Variants in FRMD6 observed in about 807,000 individuals in gnomAD.
FRMD6 encodes the protein FERM domain-containing protein 6.
Under a neutral mutation model 73.2 loss-of-function variants are expected in FRMD6, and 37 were observed. The observed-to-expected ratio is 0.51, with a 90% CI of 0.39 to 0.66. The LOEUF is 0.66. Among genes scored for constraint, FRMD6 ranks in the 30% least tolerant of loss-of-function variants. FRMD6 has a pLI of 0.00. For missense variants in FRMD6, 714 were observed against 780.5 expected, an observed-to-expected ratio of 0.91 and a Z score of 1.02; for synonymous variants, 273 against 282.2, an observed-to-expected ratio of 0.97 and a Z score of 0.33.
intron 9 of FRMD6, chr14:51,713,565 A>C (rs1193290558): frequency 6.6e-6 from 1 of 152,176 alleles, no homozygotes; most frequent in Admixed American, 6.5e-5. Flanking sequence ...TCTCTCCTGT[A>C]AGAAAGATGG....
the FRMD6 span, among the ~76,000 whole-genome samples, chr14:51,473,535 C>T: frequency 2.0e-5 from 3 of 152,166 alleles, no homozygotes; most frequent in Non-Finnish European, 4.4e-5. Flanking sequence ...TACACACCCT[C>T]CATTGAGGAA....
the FRMD6 span, among the ~76,000 whole-genome samples, chr14:51,464,435 A>C: frequency 6.6e-6 from 1 of 152,200 alleles, no homozygotes; most frequent in Admixed American, 6.5e-5. Context: ...AATTTCTGGA[A>C]GACAAAAAAC....
intron 1 of FRMD6, among the ~76,000 whole-genome samples, chr14:51,652,481 G>C (rs573953904): frequency 1.3e-5 from 2 of 152,326 alleles, no homozygotes; most frequent in Non-Finnish European, 2.9e-5. Context: ...TGGGCGCCGG[G>C]ACTAGCACCC....
At chr14:51,562,042 G>A (rs2139515818) in intron 1 of FRMD6, among the ~76,000 whole-genome samples, 1 of 152,210 alleles carries the variant, frequency 6.6e-6, no homozygotes, top group African/African-American at 2.4e-5. Flanking sequence ...TCCCACCGTG[G>A]CTTTTTTATC....
the FRMD6 span, among the ~76,000 whole-genome samples, chr14:51,462,167 A>T: frequency 6.6e-6 from 1 of 152,196 alleles, no homozygotes; most frequent in Admixed American, 6.5e-5. Flanking sequence ...GAGATGTTGG[A>T]GAAGAGTGTG....
At chr14:51,627,129 C>T (rs958428769) in intron 2 of FRMD6, among the ~76,000 whole-genome samples, 5 of 152,096 alleles carry the variant, frequency 3.3e-5, no homozygotes, top group Non-Finnish European at 2.9e-5. Flanking sequence ...TTATATTTAT[C>T]TGCATGAGAT....
chr14:51,682,318 C>T (rs945198431), intron 1 of FRMD6, among the ~76,000 whole-genome samples: 1 of 151,360 alleles, frequency 6.6e-6, no homozygotes, highest in Non-Finnish European at 1.5e-5. Flanking sequence ...TGACTATTCT[C>T]CTTTTTTTGG....
chr14:51,563,925 G>A (rs941599893), intron 1 of FRMD6, among the ~76,000 whole-genome samples: 4 of 152,142 alleles, frequency 2.6e-5, no homozygotes, highest in African/African-American at 4.8e-5. Flanking sequence ...ATAACTTTGC[G>A]ATCGCAAGTC....
intron 1 of FRMD6, among the ~76,000 whole-genome samples, chr14:51,660,828 A>C (rs1893171196): frequency 6.6e-6 from 1 of 152,096 alleles, no homozygotes; most frequent in Non-Finnish European, 1.5e-5. Flanking sequence ...CTCACTGAGA[A>C]GAGGGCTTGA....
chr14:51,508,747 C>T (rs1473266193), intron 1 of FRMD6, among the ~76,000 whole-genome samples: 1 of 152,194 alleles, frequency 6.6e-6, no homozygotes, highest in African/African-American at 2.4e-5. Context: ...TCTTAAAAAG[C>T]AAACTATAAT....
intron 9 of FRMD6, among the ~76,000 whole-genome samples, chr14:51,713,417 C>T (rs186368918): frequency 6.7e-6 from 1 of 149,622 alleles, no homozygotes; most frequent in African/African-American, 2.5e-5. Flanking sequence ...AAGACCGCAC[C>T]ATTGCACTCC....
chr14:51,580,083 ATTG>A (rs1378406262), intron 2 of FRMD6, among the ~76,000 whole-genome samples: 1 of 152,052 alleles, frequency 6.6e-6, no homozygotes, highest in Non-Finnish European at 1.5e-5. Flanking sequence ...ATTTTGTAGC[ATTG>A]TTGTTAGAAG....
chr14:51,702,839 C>T lies in FRMD6; in HGVS notation c.371+251C>T, dbSNP rs190744653. The stretch of plus-strand genomic sequence containing the variant: ...GTTAGACTGTTGATAAAAATATTAA[C>T]AGTATCTATTGGCCCACATTTTCTC... On this transcript the variant is annotated intron_variant, in intron 5 of 13. Coordinates refer to ENST00000344768, the MANE Select transcript of FRMD6 (RefSeq NM_001267046.2). 3.9e-4 allele frequency among the ~76,000 whole-genome samples: 59 copies of T among 152,030 alleles called. 1 individual carries two copies. The highest frequency in any genetic ancestry group is 6.8e-4 in the Non-Finnish European group (46 of 67,924).
intron 1 of FRMD6, among the ~76,000 whole-genome samples, chr14:51,655,433 A>G (rs995214953): frequency 6.6e-6 from 1 of 152,074 alleles, no homozygotes; most frequent in Non-Finnish European, 1.5e-5. Flanking sequence ...GTTATAATGT[A>G]TGTTCCCCAA....
chr14:51,511,675 T>C (rs1356206293), intron 1 of FRMD6, among the ~76,000 whole-genome samples: 1 of 152,038 alleles, frequency 6.6e-6, no homozygotes, highest in African/African-American at 2.4e-5. Flanking sequence ...GGGAGTTGAA[T>C]AATGAGAACA....
At chr14:51,595,773 A>C (rs1889678833) in intron 2 of FRMD6, among the ~76,000 whole-genome samples, 1 of 152,194 alleles carries the variant, frequency 6.6e-6, no homozygotes, top group South Asian at 2.1e-4. Context: ...TTTTTCAGTA[A>C]ACAACAGTTT....
chr14:51,551,315 G>A (rs1886818295), intron 1 of FRMD6, among the ~76,000 whole-genome samples: 1 of 152,144 alleles, frequency 6.6e-6, no homozygotes. Context: ...TAAAAATAAA[G>A]TATATAGGTT....
chr14:51,417,464 A>G, the FRMD6 span, among the ~76,000 whole-genome samples: 1 of 152,242 alleles, frequency 6.6e-6, no homozygotes, highest in Non-Finnish European at 1.5e-5. Flanking sequence ...TTCTTTAAGA[A>G]TGTTGAATAT....
intron 2 of FRMD6, chr14:51,584,375 C>T (rs770329818): frequency 6.6e-6 from 1 of 152,104 alleles, no homozygotes; most frequent in Non-Finnish European, 1.5e-5. Context: ...TCAGTGAAAA[C>T]AGTAGAATTT....
Sources: gnomAD v4.1 joint callset for allele counts (sites outside exome capture counted in the v4.1 genomes callset) on GRCh38, gnomAD v4.1.1 for gene constraint, MANE v1.5 for transcripts, NCBI Gene and HGNC (gene_info 2026-07-23, HGNC 2026-07-21) for gene names.